SLC44A2: variants seen among roughly 807,000 people sequenced by gnomAD.
The protein encoded by SLC44A2 is solute carrier family 44 member 2 (CTL2 blood group).
Under a neutral mutation model 90.8 loss-of-function variants are expected in SLC44A2, and 57 were observed. The observed-to-expected ratio is 0.63, with a 90% CI of 0.51 to 0.78. The LOEUF (loss-of-function observed/expected upper bound fraction) is 0.78. Ranked by LOEUF, SLC44A2 falls within the 30% of genes least tolerant of loss-of-function variation. The probability of loss-of-function intolerance (pLI) is 0.00; values close to 1 mark genes in which losing one functional copy is unlikely to be tolerated. For missense variants in SLC44A2, 794 were observed against 919.7 expected (o/e 0.86, Z 1.77); for synonymous variants, 355 against 360.7 (o/e 0.98, Z 0.18).
chr19:10,611,415 G>T (rs1230259058), intron 1 of SLC44A2, among the ~76,000 whole-genome samples: 1 of 152,096 alleles, frequency 6.6e-6, no homozygotes, highest in Non-Finnish European at 1.5e-5. Context: ...TTGCGCCACT[G>T]CACTCCAGCC....
At chr19:10,615,719 G>A (rs2066849963) in intron 1 of SLC44A2, among the ~76,000 whole-genome samples, 1 of 152,172 alleles carries the variant, frequency 6.6e-6, no homozygotes, top group South Asian at 2.1e-4. Context: ...AACCTGTGTT[G>A]TTGGAAGGTT....
In SLC44A2 at chr19:10,631,215, G is replaced by A. The variant is rs931893954; in HGVS notation, c.331-60G>A. On this transcript the variant is annotated intron_variant, in intron 5 of 21. Coordinates refer to ENST00000335757, the MANE Select transcript of SLC44A2 (RefSeq NM_020428.4). ...TTTTCCCCCTGTGAATGTGGGCTGC[G>A]ACCTCAGTCCTGAGCAGTCTGCCCC... is the stretch of plus-strand genomic sequence containing the variant. The A allele has an allele frequency of 8.7e-6, 14 of 1,604,562 alleles. No individual in the cohort carries two copies. The Admixed American group carries it at 1.2e-4, about 13-fold the overall frequency.
chr19:10,619,207 G>A (rs776779280), intron 1 of SLC44A2, among the ~76,000 whole-genome samples: 3 of 150,938 alleles, frequency 2.0e-5, no homozygotes, highest in Non-Finnish European at 4.4e-5. Flanking sequence ...AGGCAGGTGC[G>A]TCGCTGGAAC....
intron 1 of SLC44A2, among the ~76,000 whole-genome samples, chr19:10,606,840 A>AAT (rs1431849646): frequency 7.1e-6 from 1 of 141,666 alleles, no homozygotes; most frequent in Non-Finnish European, 1.5e-5. Flanking sequence ...TATATATTAA[A>AAT]ATATATATAT....
chr19:10,627,598 C>A, intron 2 of SLC44A2, 124 bp from the exon 3 acceptor site: 1 of 871,624 alleles, frequency 1.1e-6, no homozygotes, highest in Non-Finnish European at 1.9e-6. Context: ...TTTGGTACGG[C>A]ATTCAAACGA....
chr19:10,635,095 G>A, intron 12 of SLC44A2, 22 bp downstream of exon 12: 1 of 1,613,906 alleles, frequency 6.2e-7, no homozygotes, highest in Non-Finnish European at 8.5e-7. Context: ...GGGTGCCAGG[G>A]GCCAGGATGG....
intron 1 of SLC44A2, among the ~76,000 whole-genome samples, chr19:10,608,638 A>T (rs993354875): frequency 4.9e-5 from 7 of 143,650 alleles, no homozygotes; most frequent in South Asian, 2.4e-4. Flanking sequence ...GTATATATAT[A>T]TTTTATTTAT....
intron 2 of SLC44A2, among the ~76,000 whole-genome samples, 176 bp from the exon 3 acceptor site, chr19:10,627,546 A>T (rs1023535681): frequency 6.6e-6 from 1 of 152,170 alleles, no homozygotes; most frequent in Non-Finnish European, 1.5e-5. Flanking sequence ...GTTGCACAAA[A>T]TTAAAAAATG....
At chr19:10,603,218 T>C (rs545126200) in intron 1 of SLC44A2, among the ~76,000 whole-genome samples, 16 of 152,300 alleles carry the variant, frequency 1.1e-4, no homozygotes, top group African/African-American at 3.6e-4. Context: ...GGCGAACCTC[T>C]TGGGGCGACC....
At chr19:10,614,523 A>G (rs1183508687) in intron 1 of SLC44A2, among the ~76,000 whole-genome samples, 1 of 152,058 alleles carries the variant, frequency 6.6e-6, no homozygotes, top group Non-Finnish European at 1.5e-5. Flanking sequence ...ATGAGTCACC[A>G]TGCCCGGCCT....
chr19:10,610,623 G>A (rs557667829), intron 1 of SLC44A2, among the ~76,000 whole-genome samples: 86 of 133,166 alleles, frequency 6.5e-4, no homozygotes, highest in African/African-American at 2.6e-3. Context: ...GTGAGCCACC[G>A]CGCCTGGCTT....
upstream of SLC44A2, among the ~76,000 whole-genome samples, chr19:10,622,221 C>T (rs184800270): frequency 4.6e-5 from 7 of 152,240 alleles, no homozygotes; most frequent in East Asian, 1.2e-3. Context: ...TGAGGCTGAA[C>T]AGAGTAAGCC....
intron 1 of SLC44A2, among the ~76,000 whole-genome samples, chr19:10,617,047 T>C (rs1047561035): frequency 6.6e-6 from 1 of 152,116 alleles, no homozygotes; most frequent in Non-Finnish European, 1.5e-5. Flanking sequence ...TCAGCCTCCT[T>C]AGTAGCTGAG....
chr19:10,628,077 C>A, intron 4 of SLC44A2, 73 bp downstream of exon 4: 1 of 1,368,760 alleles, frequency 7.3e-7, no homozygotes, highest in Non-Finnish European at 1.0e-6. Flanking sequence ...CCCCATCTCT[C>A]TAAGTCCAGT....
intron 1 of SLC44A2, among the ~76,000 whole-genome samples, chr19:10,619,343 G>A (rs2066880445): frequency 6.6e-6 from 1 of 150,686 alleles, no homozygotes; most frequent in African/African-American, 2.4e-5. Flanking sequence ...AGGGAGATGG[G>A]CTTGAGCTCA....
At chr19:10,617,773 T>G (rs775111546) in intron 1 of SLC44A2, among the ~76,000 whole-genome samples, 3 of 152,140 alleles carry the variant, frequency 2.0e-5, no homozygotes, top group Non-Finnish European at 4.4e-5. Context: ...TCCAGTATGG[T>G]GGAGAGGATC....
chr19:10,615,994 T>C (rs776084564), intron 1 of SLC44A2, among the ~76,000 whole-genome samples: 4 of 151,960 alleles, frequency 2.6e-5, no homozygotes, highest in Non-Finnish European at 5.9e-5. Context: ...AAACCCTGTC[T>C]CTACCAAAAA....
intron 1 of SLC44A2, among the ~76,000 whole-genome samples, chr19:10,607,517 AT>A (rs61695650): frequency 0.45 from 56,818 of 127,358 alleles, 12,646 homozygotes; most frequent in East Asian, 0.75. Context: ...TACTCAACTA[AT>A]TTTTTTTTTT....
At chr19:10,639,029 C>T (rs2067088796) in intron 20 of SLC44A2, among the ~76,000 whole-genome samples, 1 of 151,986 alleles carries the variant, frequency 6.6e-6, no homozygotes, top group Non-Finnish European at 1.5e-5. Context: ...GAACTCCCGA[C>T]CTCAGGTGAT....
Sources: allele counts gnomAD v4.1 joint callset (sites outside exome capture counted in the v4.1 genomes callset), GRCh38; gene constraint gnomAD v4.1.1; transcripts MANE v1.5; gene names NCBI Gene and HGNC (gene_info 2026-07-23, HGNC 2026-07-21).